The following METTL9 variants were observed in gnomAD, a reference collection of about 807,000 sequenced individuals.
The protein encoded by METTL9 is methyltransferase 9, His-X-His N1(pi)-histidine, also known as protein-L-histidine N-pros-methyltransferase.
Under a neutral mutation model 36.0 loss-of-function variants are expected in METTL9, and 10 were observed. The ratio of observed to expected loss-of-function variants is 0.28; its 90% CI spans 0.17 to 0.47. The LOEUF (loss-of-function observed/expected upper bound fraction) is 0.47. METTL9 is among the 20% of genes least tolerant of loss of function. The pLI is 0.99. For synonymous variants in METTL9, 175 were observed against 149.7 expected (o/e 1.17, Z -1.23); for missense variants, 246 against 383.5 (o/e 0.64, Z 3.00).
intron 3 of METTL9, among the ~76,000 whole-genome samples, chr16:21,620,977 A>G (rs1274808690): frequency 4.0e-5 from 6 of 151,736 alleles, no homozygotes; most frequent in Non-Finnish European, 7.4e-5. Context: ...TAATTTATAT[A>G]TATATATTTT....
At position 21,650,508 on chromosome 16, in the gene METTL9, CAA is replaced by C. The variant is rs3046229; in HGVS notation, c.752-4700_752-4699del. On this transcript the variant is annotated intron_variant, in intron 4 of 4. Coordinates refer to ENST00000358154, the MANE Select transcript of METTL9 (RefSeq NM_016025.5). ...GGGTGACAGAGTGAGACTCTTGTCTCAAAAAAAAAAAAAAAAAAAATAGAGGT... is the reference window on the plus strand; with the variant it reads ...GGGTGACAGAGTGAGACTCTTGTCTCAAAAAAAAAAAAAAAAAATAGAGGT... 0.011 allele frequency among the ~76,000 whole-genome samples: 965 copies of C among 89,950 alleles called. 27 individuals carry two copies. In the East Asian group the frequency reaches 0.11, roughly 10 times the overall value. 59.0% of individuals were successfully genotyped at this position (89,950 alleles called of 152,430 possible).
intron 1 of METTL9, among the ~76,000 whole-genome samples, chr16:21,607,156 C>G (rs1316290486): frequency 1.3e-5 from 2 of 151,672 alleles, no homozygotes; most frequent in African/African-American, 4.8e-5. Flanking sequence ...CTCACTACAA[C>G]CTCTGCCTCT....
At chr16:21,635,349 C>T (rs1375111238) in intron 4 of METTL9, among the ~76,000 whole-genome samples, 1 of 151,956 alleles carries the variant, frequency 6.6e-6, no homozygotes, top group Admixed American at 6.6e-5. Flanking sequence ...TGCTTATTTC[C>T]TTCTGGGCAG....
At chr16:21,601,753 G>GTC (rs1468138473) in intron 1 of METTL9, among the ~76,000 whole-genome samples, 3 of 136,108 alleles carry the variant, frequency 2.2e-5, no homozygotes, top group Non-Finnish European at 4.8e-5. Context: ...GTGTGTGTGT[G>GTC]TGTGTGTGTA....
chr16:21,600,026 G>T (rs1241891226), intron 1 of METTL9, 128 bp downstream of exon 1: 4 of 883,954 alleles, frequency 4.5e-6, no homozygotes, highest in Non-Finnish European at 5.8e-6. Context: ...TCGGCCCCTT[G>T]GAAAGTTTTC....
At chr16:21,655,200 T>G (rs1164034253) in intron 4 of METTL9, 27 bp from the exon 5 acceptor site, 4 of 1,598,034 alleles carry the variant, frequency 2.5e-6, no homozygotes, top group Non-Finnish European at 3.4e-6. Flanking sequence ...GTTCAAGAAT[T>G]TAACTGAATG....
At chr16:21,607,228 C>T (rs1965313082) in intron 1 of METTL9, among the ~76,000 whole-genome samples, 1 of 152,108 alleles carries the variant, frequency 6.6e-6, no homozygotes, top group Admixed American at 6.5e-5. Context: ...GTTCCTGCCA[C>T]CACGCCTGGC....
rs1965453482 is a variant in METTL9, at chr16:21,612,652, T to C, written c.173T>C (p.Val58Ala). 1.4e-6 allele frequency: 2 copies of C among 1,465,198 alleles called. No homozygotes were observed. The highest frequency in any genetic ancestry group is 1.8e-6 in the Non-Finnish European group (2 of 1,110,390). 90.8% of individuals were successfully genotyped at this position (1,465,198 alleles called of 1,614,324 possible). ...TTTTTTTTTTTTTTTTAGTGGTATG[T>C]GTGCAACAGAGAGAAATTATGCGAA... The part of the protein sequence containing the change: ...GGRKENHQWY[V>A]CNREKLCESL... Residue 58 changes from valine (V) to alanine (A), a missense_variant, in exon 2 of 5, where the codon GTG becomes GCG. Val to Ala is a moderately conservative substitution (Grantham distance 64, BLOSUM62 0). This residue lies in a region of METTL9 where 100 missense variants were observed against 81.4 expected (regional missense o/e 1.23). Transcript: ENST00000358154.
At chr16:21,641,399 A>T (rs1055740) in intron 4 of METTL9, 4 of 468,552 alleles carry the variant, frequency 8.5e-6, no homozygotes, top group South Asian at 9.2e-5. Flanking sequence ...TTACATTCTG[A>T]CATCCTTCTT....
At chr16:21,643,210 C>T (rs535815622) in intron 4 of METTL9, 56 of 1,318,584 alleles carry the variant, frequency 4.2e-5, no homozygotes, top group African/African-American at 1.0e-4. Flanking sequence ...GCGATGATAA[C>T]GACGCATCAT....
intron 4 of METTL9, among the ~76,000 whole-genome samples, chr16:21,648,197 T>C (rs1204236088): frequency 1.3e-5 from 2 of 152,190 alleles, no homozygotes; most frequent in Non-Finnish European, 2.9e-5. Flanking sequence ...TGTGTGCTGC[T>C]TTGTAGGCCC....
At chr16:21,621,022 G>C (rs961444107) in intron 3 of METTL9, among the ~76,000 whole-genome samples, 1 of 151,888 alleles carries the variant, frequency 6.6e-6, no homozygotes, top group African/African-American at 2.4e-5. Flanking sequence ...CTGGGCTAGA[G>C]CATGTGGCGT....
At chr16:21,627,035 G>A (rs1440146297) in intron 4 of METTL9, 2 of 985,316 alleles carry the variant, frequency 2.0e-6, no homozygotes, top group African/African-American at 3.5e-5. Flanking sequence ...TGTTGAGTCT[G>A]AGGAGTCTGG....
At chr16:21,617,504 G>A (rs1965583839) in intron 2 of METTL9, among the ~76,000 whole-genome samples, 1 of 151,646 alleles carries the variant, frequency 6.6e-6, no homozygotes, top group African/African-American at 2.4e-5. Flanking sequence ...GAGGCGGGTA[G>A]ATCACCTGAG....
At chr16:21,610,626 G>C (rs1249746158) in intron 1 of METTL9, among the ~76,000 whole-genome samples, 1 of 152,186 alleles carries the variant, frequency 6.6e-6, no homozygotes, top group African/African-American at 2.4e-5. Context: ...GATGAATTGA[G>C]AAAAATGCTA....
rs1966718010 is a variant in METTL9 at position 21,656,650 on chromosome 16, G to A, written c.*1218G>A. On this transcript the variant is annotated 3_prime_UTR_variant, in exon 5 of 5. Transcript: ENST00000358154. Reference sequence around the variant, plus strand: ...ATGAGATTGTGGTTATTAACAATATGTTATCCTCACTACTTTATTTCTTTT... The same window carrying A: ...ATGAGATTGTGGTTATTAACAATATATTATCCTCACTACTTTATTTCTTTT... 2.6e-5 allele frequency: 4 copies of A among 152,232 alleles called. No individual in the cohort carries two copies. The South Asian group carries it at 8.3e-4, about 32-fold the overall frequency. 9.4% of individuals were successfully genotyped at this position (152,232 alleles called of 1,614,324 possible). A position where few individuals can be genotyped will look rare whatever the true frequency, so the allele number is the denominator to read the frequency against.
At chr16:21,615,624 T>C (rs1237565781) in intron 2 of METTL9, among the ~76,000 whole-genome samples, 4 of 152,158 alleles carry the variant, frequency 2.6e-5, no homozygotes, top group Non-Finnish European at 5.9e-5. Context: ...CATGTCAAGA[T>C]TCCTCACATC....
intron 4 of METTL9, among the ~76,000 whole-genome samples, chr16:21,633,811 G>A (rs1966021789): frequency 6.6e-6 from 1 of 152,164 alleles, no homozygotes; most frequent in Non-Finnish European, 1.5e-5. Context: ...TCCTTTATGA[G>A]CTTTAGGCCT....
intron 4 of METTL9, chr16:21,627,183 T>C: frequency 1.0e-6 from 1 of 985,372 alleles, no homozygotes; most frequent in Non-Finnish European, 1.2e-6. Context: ...TCCTGATGAT[T>C]TCCATGTGAA....
Sources: allele counts gnomAD v4.1 joint callset (sites outside exome capture counted in the v4.1 genomes callset), GRCh38; gene constraint gnomAD v4.1.1; regional missense constraint gnomAD v4.1.1; transcripts MANE v1.5; gene names NCBI Gene and HGNC (gene_info 2026-07-23, HGNC 2026-07-21).